Variants in FNDC3A observed in about 807,000 individuals in gnomAD.
FNDC3A encodes the protein fibronectin type III domain containing 3A.
In FNDC3A, 32 loss-of-function variants were observed where a neutral mutation model predicts 148.9. That is an observed-to-expected ratio of 0.21 (90% CI 0.16 to 0.29). FNDC3A has a LOEUF of 0.29. Ranked by LOEUF, FNDC3A falls within the 10% of genes least tolerant of loss-of-function variation. The pLI, the probability that FNDC3A is intolerant of heterozygous loss-of-function variation, is 1.00. For synonymous variants in FNDC3A, 472 were observed against 473.6 expected (o/e 1.00, Z 0.04); for missense variants, 1,191 against 1,452.8 (o/e 0.82, Z 2.93).
Position 49,019,981 on chromosome 13 carries a change from C to T in FNDC3A, c.99+13692C>T, listed in dbSNP as rs535110692. Reference sequence around the variant, plus strand: ...TGACTGAAGTATAGAAATGAAGAAGCAAATCAGATGCATACTGTGAATACT... The same window carrying T: ...TGACTGAAGTATAGAAATGAAGAAGTAAATCAGATGCATACTGTGAATACT... On this transcript the variant is annotated intron_variant, in intron 2 of 25. Coordinates refer to ENST00000492622, the MANE Select transcript of FNDC3A (RefSeq NM_001079673.2). 2.9e-4 allele frequency among the ~76,000 whole-genome samples: 44 copies of T among 152,272 alleles called. 1 individual carries two copies. Among genetic ancestry groups the T allele is most frequent in the Middle Eastern group, 3.4e-3 (1 of 294 alleles).
Position 48,990,015 on chromosome 13 carries a change from G to T in FNDC3A, c.-40+13838G>T, listed in dbSNP as rs376989317. ...TCCGCCCACCTTCGCCTCCCAAAGT[G>T]CTGGGATTATAGGCGTGAACCACCG... On this transcript the variant is annotated intron_variant, in intron 1 of 25. Transcript: ENST00000492622. Among the ~76,000 whole-genome samples the T allele has an allele frequency of 5.9e-5, 9 of 152,220 alleles. No individual in the cohort carries two copies. In the East Asian group the frequency reaches 1.5e-3, roughly 26 times the overall value.
chr13:49,192,525 G>A (rs1289935756), intron 19 of FNDC3A, among the ~76,000 whole-genome samples: 1 of 151,300 alleles, frequency 6.6e-6, no homozygotes, highest in Non-Finnish European at 1.5e-5. Context: ...TCAAACTCCT[G>A]GGCTCAAGAG....
At chr13:49,158,396 G>A (rs568855444) in intron 8 of FNDC3A, among the ~76,000 whole-genome samples, 23 of 152,290 alleles carry the variant, frequency 1.5e-4, no homozygotes, top group African/African-American at 4.3e-4. Flanking sequence ...CGGTACGCGC[G>A]CTCACTGACC....
chr13:49,065,839 ATTCT>A (rs973144430), intron 2 of FNDC3A, among the ~76,000 whole-genome samples: 1 of 152,198 alleles, frequency 6.6e-6, no homozygotes, highest in Admixed American at 6.5e-5. Flanking sequence ...TATGAGAATC[ATTCT>A]TTATTTGTAA....
chr13:49,140,161 C>G (rs968229070), intron 7 of FNDC3A, among the ~76,000 whole-genome samples: 1 of 152,002 alleles, frequency 6.6e-6, no homozygotes. Flanking sequence ...ATTGAGACCT[C>G]GTCTCTACAA....
upstream of FNDC3A, chr13:48,975,799 C>T (rs1205076948): frequency 1.3e-5 from 2 of 151,830 alleles, no homozygotes; most frequent in Admixed American, 1.3e-4. Flanking sequence ...ACTCGCGTTC[C>T]GGTGAGAGAG....
intron 1 of FNDC3A, among the ~76,000 whole-genome samples, chr13:48,986,382 G>GTTTTT (rs1425213112): frequency 1.6e-5 from 1 of 62,002 alleles, no homozygotes; most frequent in Non-Finnish European, 3.0e-5. Flanking sequence ...GGAGAAGGAA[G>GTTTTT]TTGTTTTTTT....
At chr13:49,009,165 C>G (rs1216024541) in intron 2 of FNDC3A, among the ~76,000 whole-genome samples, 3 of 152,210 alleles carry the variant, frequency 2.0e-5, no homozygotes, top group Non-Finnish European at 2.9e-5. Flanking sequence ...TTGGCAACCA[C>G]TGATCTTTTT....
chr13:49,031,560 C>T (rs1186732724), intron 2 of FNDC3A, among the ~76,000 whole-genome samples: 2 of 152,038 alleles, frequency 1.3e-5, no homozygotes, highest in Non-Finnish European at 2.9e-5. Flanking sequence ...ACAAATGGTG[C>T]TGAAACAACT....
At chr13:48,994,736 C>T (rs905897852) in intron 1 of FNDC3A, among the ~76,000 whole-genome samples, 9 of 151,296 alleles carry the variant, frequency 5.9e-5, no homozygotes, top group Non-Finnish European at 1.0e-4. Flanking sequence ...CGAGATGTGC[C>T]ACTGCTCTCC....
chr13:49,120,970 G>C (rs913484459), intron 4 of FNDC3A, among the ~76,000 whole-genome samples: 1 of 152,180 alleles, frequency 6.6e-6, no homozygotes, highest in African/African-American at 2.4e-5. Flanking sequence ...TTCAGGACTT[G>C]AACTTAGCTC....
intron 2 of FNDC3A, among the ~76,000 whole-genome samples, chr13:49,012,022 T>G (rs192816124): frequency 2.0e-5 from 3 of 152,284 alleles, no homozygotes; most frequent in African/African-American, 7.2e-5. Context: ...AAAACTGTTG[T>G]TTTCCTGTTG....
intron 1 of FNDC3A, among the ~76,000 whole-genome samples, chr13:48,988,883 T>C (rs1193449885): frequency 6.6e-6 from 1 of 151,686 alleles, no homozygotes; most frequent in Non-Finnish European, 1.5e-5. Context: ...TTATAGTAAT[T>C]TATAAGTTAA....
chr13:49,053,009 G>T (rs1875958152), intron 2 of FNDC3A, among the ~76,000 whole-genome samples: 2 of 152,102 alleles, frequency 1.3e-5, no homozygotes, highest in African/African-American at 4.8e-5. Flanking sequence ...GGGAAAGCCG[G>T]CACTCACAGG....
chr13:48,983,887 C>T (rs112674903), intron 1 of FNDC3A, among the ~76,000 whole-genome samples: 1,743 of 151,920 alleles, frequency 0.011, 36 homozygotes, highest in African/African-American at 0.038. Context: ...AAATAATTAA[C>T]CTGTAAATAA....
At chr13:49,178,848 TCAGCTTCCCAAGCAGCTGAGACCACAG>T (rs1193696280) in intron 14 of FNDC3A, among the ~76,000 whole-genome samples, 194 bp downstream of exon 14, 1 of 152,054 alleles carries the variant, frequency 6.6e-6, no homozygotes, top group Non-Finnish European at 1.5e-5. Context: ...TCCTCCCACC[TCAGCTTCCCAAGCAGCTGAGACCACAG>T]GTGCATGCCA....
In FNDC3A at chr13:49,006,220, A is replaced by G. The variant is rs932615555; in HGVS notation, c.30A>G (p.Thr10=). The part of the protein sequence containing the change: MAEHPPLLD[T]TQILSSDISL... ...CAGAACATCCACCACTACTGGATAC[A>G]ACTCAGATCTTAAGTAGTGATATTT... The change falls in exon 2 of 26, where the codon ACA becomes ACG. Residue 10 remains threonine, a synonymous_variant. Transcript: ENST00000492622. 1 of 1,608,452 alleles carries G rather than the reference A, an allele frequency of 6.2e-7. No individual in the cohort carries two copies. The highest frequency in any genetic ancestry group is 8.5e-7 in the Non-Finnish European group (1 of 1,175,598).
intron 8 of FNDC3A, among the ~76,000 whole-genome samples, chr13:49,158,375 C>T (rs191955792): frequency 1.1e-3 from 170 of 152,360 alleles, no homozygotes; most frequent in African/African-American, 3.7e-3. Context: ...CGCCCTGCTT[C>T]GGCTCGCCCA....
intron 19 of FNDC3A, among the ~76,000 whole-genome samples, chr13:49,195,623 C>T (rs963209684): frequency 6.6e-6 from 1 of 151,976 alleles, no homozygotes; most frequent in Admixed American, 6.6e-5. Context: ...TTTGGTAAGT[C>T]GTTATTTATT....
Sources: allele counts gnomAD v4.1 joint callset (sites outside exome capture counted in the v4.1 genomes callset), GRCh38; gene constraint gnomAD v4.1.1; transcripts MANE v1.5; gene names NCBI Gene and HGNC (gene_info 2026-07-23, HGNC 2026-07-21).